The following STOX2 variants were observed in gnomAD, a reference collection of about 807,000 sequenced individuals.
STOX2 encodes the protein storkhead-box protein 2.
A neutral mutation model predicts 60.9 loss-of-function variants in STOX2; 28 were observed. The observed-to-expected ratio is 0.46, with a 90% CI of 0.34 to 0.63. The LOEUF is 0.63. Among genes scored for constraint, STOX2 ranks in the 30% least tolerant of loss-of-function variants. STOX2 has a pLI of 0.01. For synonymous variants in STOX2, 472 were observed against 463.9 expected, an observed-to-expected ratio of 1.02 and a Z score of -0.22; for missense variants, 1,024 against 1,187.7, an observed-to-expected ratio of 0.86 and a Z score of 2.03.
rs1739292592 is a variant in STOX2, at chr4:183,821,032, G to A, written c.364+22977G>A. 1.3e-5 allele frequency among the ~76,000 whole-genome samples: 2 copies of A among 152,064 alleles called. No individual in the cohort carries two copies. The highest frequency in any genetic ancestry group is 6.5e-5 in the Admixed American group (1 of 15,278). On this transcript the variant is annotated intron_variant, in intron 1 of 2. Transcript: ENST00000513034. The surrounding 1 kb of genome is among the most constrained non-coding windows in gnomAD (Gnocchi z 4.2). ...TGAGGTGGCAGGGTTGCTTGAGTCCGGGAGGTCATGGTTACAGTGAGCTGT... is the reference window on the plus strand; with the variant it reads ...TGAGGTGGCAGGGTTGCTTGAGTCCAGGAGGTCATGGTTACAGTGAGCTGT...
chr4:183,817,272 C>T (rs543294440), intron 1 of STOX2, among the ~76,000 whole-genome samples: 17 of 152,308 alleles, frequency 1.1e-4, no homozygotes, highest in African/African-American at 4.1e-4. Context: ...AGGGGAAAAC[C>T]TCAGTCCTTA....
intron 1 of STOX2, among the ~76,000 whole-genome samples, chr4:183,912,860 A>G (rs141480218): frequency 3.6e-4 from 55 of 152,334 alleles, no homozygotes; most frequent in African/African-American, 1.3e-3. Context: ...TCCTAATGTG[A>G]GTCACCTTTT....
At chr4:184,006,982 C>T (rs571008201) in intron 2 of STOX2, among the ~76,000 whole-genome samples, 1 of 126,980 alleles carries the variant, frequency 7.9e-6, no homozygotes, top group South Asian at 2.6e-4. Flanking sequence ...CGCCACTGCA[C>T]TCCAGCCTGG....
At chr4:184,006,903 C>A (rs1484297188) in intron 2 of STOX2, among the ~76,000 whole-genome samples, 1 of 147,028 alleles carries the variant, frequency 6.8e-6, no homozygotes, top group African/African-American at 2.5e-5. Flanking sequence ...GTAGTCCCAG[C>A]TACTTGGGAG....
In STOX2 at chr4:183,877,333, A is replaced by G. The variant is rs72994794; in HGVS notation, c.364+79278A>G. 7.9e-3 allele frequency among the ~76,000 whole-genome samples: 1,210 copies of G among 152,322 alleles called. 13 individuals are homozygous for G. Among genetic ancestry groups the G allele is most frequent in the African/African-American group, 0.027 (1,142 of 41,570 alleles). ...TCGGGTCCGCACACAGACCTACAGG[A>G]TCTGCATTTTAACCAGATCCCAAAC... On this transcript the variant is annotated intron_variant, in intron 1 of 2. Transcript: ENST00000513034.
chr4:183,995,432 G>C (rs1319276153), intron 1 of STOX2, among the ~76,000 whole-genome samples: 2 of 150,640 alleles, frequency 1.3e-5, no homozygotes, highest in African/African-American at 4.9e-5. Flanking sequence ...ATGTGAGAGA[G>C]AGTTTTTTTT....
At chr4:183,993,147 C>A (rs1733183370) in intron 1 of STOX2, among the ~76,000 whole-genome samples, 1 of 152,234 alleles carries the variant, frequency 6.6e-6, no homozygotes, top group South Asian at 2.1e-4. Context: ...CCCCTTTCTG[C>A]CCGATGCTCT....
At position 184,011,454 on chromosome 4, in the gene STOX2, G is replaced by A. The variant is rs1734171328; in HGVS notation, c.2585+31G>A. 4.4e-6 allele frequency: 7 copies of A among 1,593,434 alleles called. No individual in the cohort carries two copies. Among genetic ancestry groups the A allele is most frequent in the Non-Finnish European group, 5.1e-6 (6 of 1,168,572 alleles). On this transcript the variant is annotated intron_variant, in intron 3 of 3. Coordinates refer to ENST00000308497, the MANE Select transcript of STOX2 (RefSeq NM_020225.3). This position sits in a 1 kb window ranked among gnomAD's most constrained non-coding sequence, Gnocchi z 4.4. ...GAGAGGTGTCTCTGTGCACACACAT[G>A]CGCCTAGCGGGGCCTGGGGCTTTAT... is the stretch of plus-strand genomic sequence containing the variant.
chr4:183,850,385 T>G (rs763573243), intron 1 of STOX2, among the ~76,000 whole-genome samples: 9 of 152,228 alleles, frequency 5.9e-5, no homozygotes, highest in Non-Finnish European at 1.0e-4. Flanking sequence ...CTTATTATTC[T>G]TTATGATTTT....
In STOX2 at chr4:183,894,099, G is replaced by A. The variant is rs371973061; in HGVS notation, c.364+96044G>A. 1.2e-4 allele frequency among the ~76,000 whole-genome samples: 18 copies of A among 152,268 alleles called. No homozygotes were observed. The South Asian group carries it at 1.7e-3, about 14-fold the overall frequency. On this transcript the variant is annotated intron_variant, in intron 1 of 2. Coordinates refer to the STOX2 transcript ENST00000513034. ...CCCAGAGGTCAATGCTGCAGTGAGC[G>A]GTGATCATGCCACTGCACTGCAGCC... is the stretch of plus-strand genomic sequence containing the variant.
Position 183,838,723 on chromosome 4 carries a change from C to T in STOX2, c.364+40668C>T, listed in dbSNP as rs543504721. Among the ~76,000 whole-genome samples the T allele has an allele frequency of 3.3e-5, 5 of 152,308 alleles. No homozygotes were observed. In the South Asian group the frequency reaches 1.0e-3, roughly 32 times the overall value. ...AGGGGTTTTGGCCTCTCTCTGCAGC[C>T]CCCACTTGGGGCACCCATTGTGGAT... is the stretch of plus-strand genomic sequence containing the variant. On this transcript the variant is annotated intron_variant, in intron 1 of 2. Transcript: ENST00000513034.
At chr4:183,818,149 G>A (rs1739195692) in intron 1 of STOX2, among the ~76,000 whole-genome samples, 1 of 151,128 alleles carries the variant, frequency 6.6e-6, no homozygotes, top group Non-Finnish European at 1.5e-5. Context: ...CGCAGAGGGG[G>A]ACTTGGCAGG....
chr4:183,928,213 G>A (rs1287319577), intron 1 of STOX2, among the ~76,000 whole-genome samples: 4 of 39,812 alleles, frequency 1.0e-4, no homozygotes, highest in African/African-American at 2.0e-4. Flanking sequence ...AGGATGGGGA[G>A]CCCTCGGGGG....
chr4:183,818,920 G>A (rs1336937748), intron 1 of STOX2, among the ~76,000 whole-genome samples: 1 of 152,106 alleles, frequency 6.6e-6, no homozygotes, highest in Non-Finnish European at 1.5e-5. Flanking sequence ...TGGCGGCCGG[G>A]AAGAGGCGGT....
chr4:183,901,331 C>A (rs1417191754), upstream of STOX2, among the ~76,000 whole-genome samples: 1 of 152,132 alleles, frequency 6.6e-6, no homozygotes, highest in East Asian at 1.9e-4. Context: ...ACTTGGGTTG[C>A]GCCCATGTTT....
In STOX2 at chr4:184,002,002, G is replaced by A. The variant is rs140877001; in HGVS notation, c.319+525G>A. Among the ~76,000 whole-genome samples, 1,247 of 152,318 alleles carry A rather than the reference G, an allele frequency of 8.2e-3. 25 individuals are homozygous for A. Among genetic ancestry groups the A allele is most frequent in the African/African-American group, 0.029 (1,189 of 41,566 alleles). The stretch of plus-strand genomic sequence containing the variant: ...AAGGAGGCAACAGCCCAGCTGCTGT[G>A]TGAGAGGCATTTGACGCTTTCAGTG... On this transcript the variant is annotated intron_variant, in intron 2 of 3. Transcript: ENST00000308497.
chr4:183,952,294 T>C (rs374076170), intron 1 of STOX2, among the ~76,000 whole-genome samples: 5 of 152,362 alleles, frequency 3.3e-5, no homozygotes, highest in Admixed American at 2.0e-4. Context: ...AGGATTCATA[T>C]ACTATTCTTC....
Position 183,806,780 on chromosome 4 carries a change from G to A in STOX2, c.364+8725G>A, listed in dbSNP as rs548795932. On this transcript the variant is annotated intron_variant, in intron 1 of 2. Coordinates refer to the STOX2 transcript ENST00000513034. The surrounding 1 kb of genome is among the most constrained non-coding windows in gnomAD (Gnocchi z 4.1). ...CTACTTCTAAATAAGGTCCGCCGCCGTCCAAATTTTGAGGAAACAAACATT... is the reference window on the plus strand; with the variant it reads ...CTACTTCTAAATAAGGTCCGCCGCCATCCAAATTTTGAGGAAACAAACATT... Among the ~76,000 whole-genome samples the A allele has an allele frequency of 9.5e-4, 145 of 152,236 alleles. No individual in the cohort carries two copies. The highest frequency in any genetic ancestry group is 3.3e-3 in the African/African-American group (137 of 41,528).
At chr4:183,919,725 C>T (rs1742045023) in intron 1 of STOX2, among the ~76,000 whole-genome samples, 1 of 152,100 alleles carries the variant, frequency 6.6e-6, no homozygotes, top group South Asian at 2.1e-4. Context: ...CCCCCCTCGG[C>T]CTCCCAAGTA....
Sources: gnomAD v4.1 joint callset for allele counts (sites outside exome capture counted in the v4.1 genomes callset) on GRCh38, gnomAD v4.1.1 for gene constraint, Gnocchi (gnomAD v3.1) non-coding constraint, MANE v1.5 for transcripts, NCBI Gene and HGNC (gene_info 2026-07-23, HGNC 2026-07-21) for gene names.